The following NCKAP5 variants were observed in gnomAD, a reference collection of about 807,000 sequenced individuals.
NCKAP5 encodes the protein nck-associated protein 5.
Under a neutral mutation model 167.0 loss-of-function variants are expected in NCKAP5, and 92 were observed. The observed-to-expected ratio is 0.55, with a 90% CI of 0.47 to 0.66. NCKAP5 has a LOEUF of 0.66. Among genes scored for constraint, NCKAP5 ranks in the 30% least tolerant of loss-of-function variants. The pLI is 0.00. For synonymous variants in NCKAP5, 891 were observed against 877.4 expected (o/e 1.02, Z -0.27); for missense variants, 2,378 against 2,315.0 (o/e 1.03, Z -0.56).
chr2:132,711,949 G>T (rs139333067), intron 19 of NCKAP5, among the ~76,000 whole-genome samples: 1 of 152,284 alleles, frequency 6.6e-6, no homozygotes, highest in Non-Finnish European at 1.5e-5. Flanking sequence ...GAAATAAAGA[G>T]GCAAGTATTT....
At chr2:132,765,217 T>C (rs1681349173) in intron 16 of NCKAP5, among the ~76,000 whole-genome samples, 1 of 152,124 alleles carries the variant, frequency 6.6e-6, no homozygotes, top group African/African-American at 2.4e-5. Flanking sequence ...GTTCAAATTA[T>C]GCAAAATAGG....
intron 2 of NCKAP5, among the ~76,000 whole-genome samples, chr2:133,527,841 G>A (rs1472348725): frequency 1.3e-5 from 2 of 152,046 alleles, no homozygotes; most frequent in Non-Finnish European, 2.9e-5. Flanking sequence ...AAGGTGGGAG[G>A]ATCACTTGAG....
At chr2:132,750,072 C>T (rs1025757986) in intron 16 of NCKAP5, among the ~76,000 whole-genome samples, 6 of 152,130 alleles carry the variant, frequency 3.9e-5, no homozygotes, top group East Asian at 1.9e-4. Context: ...CTGAAACTTA[C>T]GTATGGTTGT....
chr2:132,840,487 G>A (rs1389860646), intron 11 of NCKAP5, among the ~76,000 whole-genome samples: 1 of 152,042 alleles, frequency 6.6e-6, no homozygotes, highest in Admixed American at 6.6e-5. Flanking sequence ...ATGTTGGTCA[G>A]ACTGGTCTCA....
chr2:133,073,289 G>A (rs1252288511), intron 6 of NCKAP5, among the ~76,000 whole-genome samples: 1 of 151,670 alleles, frequency 6.6e-6, no homozygotes, highest in African/African-American at 2.4e-5. Context: ...GCAAGTCTCA[G>A]CAAGAACTGA....
At chr2:132,730,583 C>T (rs1574017572) in intron 17 of NCKAP5, among the ~76,000 whole-genome samples, 1 of 152,308 alleles carries the variant, frequency 6.6e-6, no homozygotes, top group South Asian at 2.1e-4. Context: ...TCCTTCTGAT[C>T]CCTTATGAAG....
In NCKAP5 at chr2:133,377,882, C is replaced by T. The variant is rs550545468; in HGVS notation, c.70-74772G>A. Among the ~76,000 whole-genome samples, 56 of 151,984 alleles carry T rather than the reference C, an allele frequency of 3.7e-4. 1 individual carries two copies. The South Asian group carries it at 4.2e-3, about 11-fold the overall frequency. Reference sequence around the variant, plus strand: ...CCAAACTGGCCTTGGATTCATGAGACCAGGAAAACCCCTGATCCACACAGG... The same window carrying T: ...CCAAACTGGCCTTGGATTCATGAGATCAGGAAAACCCCTGATCCACACAGG... On this transcript the variant is annotated intron_variant, in intron 3 of 19. Coordinates refer to ENST00000409261, the MANE Select transcript of NCKAP5 (RefSeq NM_207363.3).
intron 3 of NCKAP5, among the ~76,000 whole-genome samples, chr2:133,452,044 T>C (rs1439488036): frequency 3.9e-5 from 6 of 152,162 alleles, no homozygotes; most frequent in Admixed American, 1.3e-4. Flanking sequence ...GGACAGGTGA[T>C]CTAGCAAATG....
At chr2:133,191,611 C>G (rs1163945155) in intron 5 of NCKAP5, among the ~76,000 whole-genome samples, 2 of 152,128 alleles carry the variant, frequency 1.3e-5, no homozygotes, top group African/African-American at 2.4e-5. Flanking sequence ...AGTTCATGTC[C>G]TTTGTAGGGA....
At chr2:133,097,972 G>C (rs10166379) in intron 6 of NCKAP5, among the ~76,000 whole-genome samples, 65,667 of 151,940 alleles carry the variant, frequency 0.43, 15,275 homozygotes, top group East Asian at 0.96. Context: ...ATGATGGCAG[G>C]CACCTGAAAA....
chr2:133,140,612 C>T (rs1413486619), intron 5 of NCKAP5, among the ~76,000 whole-genome samples: 3 of 152,026 alleles, frequency 2.0e-5, no homozygotes, highest in East Asian at 1.9e-4. Context: ...TACTTCACTG[C>T]CCGCCTAATT....
chr2:132,991,363 C>T (rs964329176), intron 7 of NCKAP5, among the ~76,000 whole-genome samples: 2 of 151,980 alleles, frequency 1.3e-5, no homozygotes, highest in African/African-American at 4.8e-5. Flanking sequence ...GCAAATTCCC[C>T]AATTAAAAAA....
intron 5 of NCKAP5, among the ~76,000 whole-genome samples, chr2:133,177,155 T>C (rs2084498073): frequency 2.3e-5 from 2 of 85,210 alleles, no homozygotes; most frequent in Non-Finnish European, 4.5e-5. Flanking sequence ...ACACAGGAGG[T>C]TTTGTTTTCT....
At chr2:133,201,804 C>T (rs553687717) in intron 5 of NCKAP5, among the ~76,000 whole-genome samples, 6 of 152,056 alleles carry the variant, frequency 3.9e-5, no homozygotes, top group Non-Finnish European at 8.8e-5. Context: ...GAAGGCCATT[C>T]CAGCCACAAG....
intron 8 of NCKAP5, among the ~76,000 whole-genome samples, chr2:132,899,501 T>C (rs1230811724): frequency 1.3e-5 from 2 of 152,280 alleles, no homozygotes; most frequent in East Asian, 3.8e-4. Context: ...GTTTGGGGCA[T>C]GAGGCCCGGC....
chr2:132,775,372 C>T (rs1484250721), intron 15 of NCKAP5, among the ~76,000 whole-genome samples: 2 of 152,100 alleles, frequency 1.3e-5, no homozygotes, highest in Non-Finnish European at 2.9e-5. Context: ...ATGCTGATAG[C>T]CAGAGATGGC....
rs1025330499 is a variant in NCKAP5, at chr2:132,851,187, C to T, written c.807+9305G>A. Among the ~76,000 whole-genome samples, 5 of 152,152 alleles carry T rather than the reference C, an allele frequency of 3.3e-5. No homozygotes were observed. The South Asian group carries it at 1.0e-3, about 32-fold the overall frequency. On this transcript the variant is annotated intron_variant, in intron 11 of 19. Coordinates refer to ENST00000409261, the MANE Select transcript of NCKAP5 (RefSeq NM_207363.3). ...ATGAACAGGAGACTTGGTAACATTT[C>T]CTCGGTCTCTCAAGTTTCACAAAAG...
intron 3 of NCKAP5, among the ~76,000 whole-genome samples, chr2:133,305,090 G>T (rs1362551241): frequency 6.6e-6 from 1 of 152,140 alleles, no homozygotes; most frequent in Non-Finnish European, 1.5e-5. Context: ...GAAGCCAGTG[G>T]GTGCTGGGAA....
At chr2:133,268,912 A>C (rs2089379106) in intron 4 of NCKAP5, 1 of 152,230 alleles carries the variant, frequency 6.6e-6, no homozygotes, top group South Asian at 2.1e-4. Flanking sequence ...GTCCTCTCTT[A>C]CAGAATGAAG....
Sources: allele counts gnomAD v4.1 joint callset (sites outside exome capture counted in the v4.1 genomes callset), GRCh38; gene constraint gnomAD v4.1.1; transcripts MANE v1.5; gene names NCBI Gene and HGNC (gene_info 2026-07-23, HGNC 2026-07-21).